The following C11orf16 variants were observed in gnomAD, a reference collection of about 807,000 sequenced individuals.
C11orf16 encodes chromosome 11 open reading frame 16, also known as uncharacterized protein C11orf16.
C11orf16 carries 38 observed loss-of-function variants against 45.1 expected under a neutral mutation model. The ratio of observed to expected loss-of-function variants is 0.84; its 90% confidence interval spans 0.65 to 1.10. The LOEUF is 1.10. Ranked by LOEUF, C11orf16 falls within the 50% of genes least tolerant of loss-of-function variation. C11orf16 has a pLI of 0.00. For synonymous variants in C11orf16, 221 were observed against 222.0 expected, an observed-to-expected ratio of 1.00 and a Z score of 0.04; for missense variants, 583 against 569.5, an observed-to-expected ratio of 1.02 and a Z score of -0.24.
At chr11:8,920,617 T>A (rs1349546716) in intron 6 of C11orf16, among the ~76,000 whole-genome samples, 167 bp from the exon 7 acceptor site, 1 of 152,128 alleles carries the variant, frequency 6.6e-6, no homozygotes, top group Non-Finnish European at 1.5e-5. Flanking sequence ...AGCCTAGTAA[T>A]CAAGACCAGC....
rs928104283 is a variant in C11orf16, at chr11:8,926,076, G to A, written c.591C>T (p.Phe197=). 3.7e-6 allele frequency: 6 copies of A among 1,607,554 alleles called. No homozygotes were observed. The African/African-American group carries it at 5.3e-5, about 14-fold the overall frequency. The stretch of plus-strand genomic sequence containing the variant: ...GCACTTTAGCAGCTTTGCCATTCCA[G>A]AAATGAACAGTGATTTCTTTTTCCT... ...ASKEKEITVH[F]WNGKAAKVPL... Residue 197 remains phenylalanine, a synonymous_variant, in exon 5 of 7, where the codon TTC becomes TTT. Transcript: ENST00000326053.
At chr11:8,932,070 T>A (rs1225008626) in intron 2 of C11orf16, 72 bp downstream of exon 2, 1 of 1,432,002 alleles carries the variant, frequency 7.0e-7, no homozygotes, top group Non-Finnish European at 9.3e-7. Flanking sequence ...CACCAAGGTC[T>A]ACCACCAACA....
chr11:8,929,704 C>CG (rs2064638148), intron 2 of C11orf16, among the ~76,000 whole-genome samples, 171 bp from the exon 3 acceptor site: 1 of 152,166 alleles, frequency 6.6e-6, no homozygotes, highest in African/African-American at 2.4e-5. Context: ...GGTAAACCTC[C>CG]GGGAGGGGCA....
Position 8,926,922 on chromosome 11 carries a change from C to T in C11orf16, c.559+18G>A, listed in dbSNP as rs773397793. The T allele has an allele frequency of 8.1e-6, 13 of 1,601,670 alleles. No homozygotes were observed. The highest frequency in any genetic ancestry group is 1.1e-5 in the Non-Finnish European group (13 of 1,170,280). On this transcript the variant is annotated intron_variant, in intron 4 of 6. Coordinates refer to ENST00000326053, the MANE Select transcript of C11orf16 (RefSeq NM_020643.3). ...TGGCTCCTTCTGGGCACTGATGGGT[C>T]AGAGCAGCTTCTCTTACCTCTCTGG...
At position 8,920,435 on chromosome 11, in the gene C11orf16, C is replaced by A; in HGVS notation, c.*38G>T. On this transcript the variant is annotated 3_prime_UTR_variant, in exon 7 of 7. Transcript: ENST00000326053. ...TGTATAACTCTCCTCGAATATTTAC[C>A]ATGTTTATTCTTTACCTATAAAAGG... is the stretch of plus-strand genomic sequence containing the variant. 1 of 677,064 alleles carries A rather than the reference C, an allele frequency of 1.5e-6. No homozygotes were observed. The highest frequency in any genetic ancestry group is 2.7e-6 in the Non-Finnish European group (1 of 373,568). The allele number at this position is 677,064 out of a possible 1,614,324, so 41.9% of individuals were successfully genotyped here.
chr11:8,927,602 G>T, intron 3 of C11orf16: 1 of 457,494 alleles, frequency 2.2e-6, no homozygotes, highest in Non-Finnish European at 4.4e-6. Flanking sequence ...ATGTGTCCAA[G>T]ACCAACAGGA....
At chr11:8,923,575 A>G (rs1283672456) in intron 5 of C11orf16, among the ~76,000 whole-genome samples, 3 of 152,190 alleles carry the variant, frequency 2.0e-5, no homozygotes, top group Non-Finnish European at 4.4e-5. Context: ...AATTCTCCAT[A>G]ACTTCATTTC....
chr11:8,921,386 G>A lies in C11orf16; in HGVS notation c.1334C>T (p.Pro445Leu). 6.2e-7 allele frequency: 1 copy of A among 1,614,188 alleles called. No individual in the cohort carries two copies. Among genetic ancestry groups the A allele is most frequent in the East Asian group, 2.2e-5 (1 of 44,882 alleles). Reference protein sequence around the residue: ...ATHMKPPRTPPGEAEHRKRSQ... With the variant: ...ATHMKPPRTPLGEAEHRKRSQ... The stretch of plus-strand genomic sequence containing the variant: ...CCGCTTTCTGTGTTCAGCTTCCCCT[G>A]GCGGGGTCCGCGGTGGCTTCATGTG... Residue 445 changes from proline (P) to leucine (L), a missense_variant, in exon 6 of 7, where the codon CCA becomes CTA. By Grantham distance (98) the Pro-to-Leu change is moderately conservative (BLOSUM62 -3). Coordinates refer to ENST00000326053, the MANE Select transcript of C11orf16 (RefSeq NM_020643.3).
intron 5 of C11orf16, among the ~76,000 whole-genome samples, chr11:8,923,357 C>T (rs2064587479): frequency 6.6e-6 from 1 of 152,190 alleles, no homozygotes; most frequent in Non-Finnish European, 1.5e-5. Context: ...CTATGCTGGG[C>T]TTGGCACTGT....
At chr11:8,929,814 C>T (rs773972920) in intron 2 of C11orf16, among the ~76,000 whole-genome samples, 1 of 152,176 alleles carries the variant, frequency 6.6e-6, no homozygotes, top group South Asian at 2.1e-4. Flanking sequence ...TTAATTGATG[C>T]TTGTTCCTAC....
intron 3 of C11orf16, 30 bp downstream of exon 3, chr11:8,929,347 G>T (rs748456508): frequency 2.5e-6 from 4 of 1,605,850 alleles, no homozygotes; most frequent in Middle Eastern, 1.7e-4. Flanking sequence ...AGAGGAGCAC[G>T]CCAGGGAGAT....
chr11:8,926,392 C>A (rs1469550027), intron 4 of C11orf16, among the ~76,000 whole-genome samples: 1 of 151,992 alleles, frequency 6.6e-6, no homozygotes, highest in Non-Finnish European at 1.5e-5. Flanking sequence ...GCTGCTCTGG[C>A]TGCGTGGCTC....
In C11orf16 at chr11:8,926,045, C is replaced by G; in HGVS notation, c.622G>C (p.Gly208Arg). 4 of 1,614,032 alleles carry G rather than the reference C, an allele frequency of 2.5e-6. No individual in the cohort carries two copies. The highest frequency in any genetic ancestry group is 3.4e-6 in the Non-Finnish European group (4 of 1,179,958). The change falls in exon 5 of 7, where the codon GGT (glycine) becomes CGT (arginine). Residue 208 changes from glycine (G) to arginine (R), a missense_variant. By Grantham distance (125) the Gly-to-Arg change is moderately radical (BLOSUM62 -2). Coordinates refer to ENST00000326053, the MANE Select transcript of C11orf16 (RefSeq NM_020643.3). ...WNGKAAKVPLGGVQSVSLTIW... is the reference protein window; with the variant it reads ...WNGKAAKVPLRGVQSVSLTIW... ...GTCAGGGACACCGACTGGACCCCAC[C>G]TAGGGGCACTTTAGCAGCTTTGCCA...
At chr11:8,932,352 G>A in intron 1 of C11orf16, 26 bp from the exon 2 acceptor site, 1 of 1,524,436 alleles carries the variant, frequency 6.6e-7, no homozygotes. Flanking sequence ...ACCATTACCT[G>A]AGCTGCAGCT....
chr11:8,921,240 T>C (rs2064570323), intron 6 of C11orf16, 54 bp downstream of exon 6: 3 of 1,456,972 alleles, frequency 2.1e-6, no homozygotes, highest in Admixed American at 3.5e-5. Context: ...CCAAAAGGTC[T>C]AAGACCCATG....
At position 8,925,588 on chromosome 11, in the gene C11orf16, A is replaced by C; in HGVS notation, c.1079T>G (p.Met360Arg). 1 of 1,614,248 alleles carries C rather than the reference A, an allele frequency of 6.2e-7. No homozygotes were observed. The highest frequency in any genetic ancestry group is 2.2e-5 in the East Asian group (1 of 44,888). The change falls in exon 5 of 7, where the codon ATG (methionine) becomes AGG (arginine). Residue 360 changes from methionine to arginine, a missense_variant. Coordinates refer to ENST00000326053, the MANE Select transcript of C11orf16 (RefSeq NM_020643.3). ...ATCTGTGTTGACTGCACTGTTCACC[A>C]TCAGTCTCTGGGGAGGGCCCATCTC... is the stretch of plus-strand genomic sequence containing the variant. Reference protein sequence around the residue: ...DLEMGPPQRLMVNSAVNTDPI... With the variant: ...DLEMGPPQRLRVNSAVNTDPI...
rs2064613233 is a variant in C11orf16 at position 8,926,336 on chromosome 11, G to A, written c.560-229C>T. Among the ~76,000 whole-genome samples, 5 of 151,766 alleles carry A rather than the reference G, an allele frequency of 3.3e-5. No individual in the cohort carries two copies. In the South Asian group the frequency reaches 1.0e-3, roughly 32 times the overall value. On this transcript the variant is annotated intron_variant, in intron 4 of 6. Coordinates refer to ENST00000326053, the MANE Select transcript of C11orf16 (RefSeq NM_020643.3). ...TTCCACGTCCTAATCATGGGATAAA[G>A]CCTCTCCTACCCACACAGGCAAAGG...
At chr11:8,927,230 G>T in intron 3 of C11orf16, 56 bp from the exon 4 acceptor site, 1 of 1,407,214 alleles carries the variant, frequency 7.1e-7, no homozygotes, top group Non-Finnish European at 9.9e-7. Context: ...ACAATAGGGA[G>T]CACCCAGGTT....
chr11:8,920,176 A>C lies in C11orf16; in HGVS notation c.*297T>G, dbSNP rs1268071928. On this transcript the variant is annotated 3_prime_UTR_variant, in exon 7 of 7. Coordinates refer to ENST00000326053, the MANE Select transcript of C11orf16 (RefSeq NM_020643.3). The stretch of plus-strand genomic sequence containing the variant: ...AGAGTGGCTGTGGACACATTTGCCC[A>C]AAGCAGGCTGACCCCCTCTTCCACG... 2.7e-6 allele frequency: 1 copy of C among 368,584 alleles called. No homozygotes were observed. The highest frequency in any genetic ancestry group is 2.1e-5 in the African/African-American group (1 of 48,036). The allele number at this position is 368,584 out of a possible 1,614,324, so 22.8% of individuals were successfully genotyped here.
Sources: allele counts gnomAD v4.1 joint callset (sites outside exome capture counted in the v4.1 genomes callset), GRCh38; gene constraint gnomAD v4.1.1; transcripts MANE v1.5; gene names NCBI Gene and HGNC (gene_info 2026-07-23, HGNC 2026-07-21).